The following SYNE1 variants were observed in gnomAD, a reference collection of about 807,000 sequenced individuals.
The protein encoded by SYNE1 is spectrin repeat containing nuclear envelope protein 1.
In SYNE1, 616 loss-of-function variants were observed where a neutral mutation model predicts 1,111.0. That is an observed-to-expected ratio of 0.55 (90% CI 0.52 to 0.59). The LOEUF is 0.59. SYNE1 is among the 20% of genes least tolerant of loss of function. The pLI, the probability that SYNE1 is intolerant of heterozygous loss-of-function variation, is 0.00. For synonymous variants in SYNE1, 3,855 were observed against 3,825.8 expected (o/e 1.01, Z -0.28); for missense variants, 10,006 against 10,417.0 (o/e 0.96, Z 1.72).
chr6:152,315,094 T>C (rs1460627873), intron 87 of SYNE1: 5 of 151,466 alleles, frequency 3.3e-5, no homozygotes, highest in Admixed American at 3.3e-4. Flanking sequence ...AAGTTTTCTT[T>C]AAACTTTCAC....
intron 10 of SYNE1, among the ~76,000 whole-genome samples, chr6:152,501,278 A>T (rs1476914932): frequency 6.9e-6 from 1 of 145,834 alleles, no homozygotes; most frequent in East Asian, 1.9e-4. Context: ...TCCGTTGTTT[A>T]AAAAAACAGG....
chr6:152,621,430 TA>T (rs1365140926), intron 3 of SYNE1, among the ~76,000 whole-genome samples: 1 of 152,196 alleles, frequency 6.6e-6, no homozygotes, highest in Non-Finnish European at 1.5e-5. Flanking sequence ...TAGACACTCT[TA>T]CTTTTAGAGG....
chr6:152,125,271 TCA>T, intron 145 of SYNE1: 1 of 1,550,284 alleles, frequency 6.5e-7, no homozygotes, highest in Non-Finnish European at 8.7e-7. Context: ...CACAGGTATC[TCA>T]CATGTAGAAG....
Position 152,148,276 on chromosome 6 carries a change from G to T in SYNE1, c.24745C>A (p.Leu8249Ile), listed in dbSNP as rs765972832. Residue 8249 changes from leucine to isoleucine, a missense_variant, in exon 137 of 146, where the codon CTT becomes ATT. Leu to Ile is a conservative substitution (Grantham distance 5, BLOSUM62 2). Coordinates refer to ENST00000367255, the MANE Select transcript of SYNE1 (RefSeq NM_182961.4). This position sits in a 1 kb window ranked among gnomAD's most constrained non-coding sequence, Gnocchi z 4.1. The part of the protein sequence containing the change: ...HWHDRSADSL[L>I]SPQPSSNLSL... ...AGATTGGAGGAAGGCTGTGGAGAAA[G>T]CAGGCTGTCTGCAGAGCGGTCGTGC... 6.2e-7 allele frequency: 1 copy of T among 1,613,674 alleles called. No individual in the cohort carries two copies. The highest frequency in any genetic ancestry group is 1.1e-5 in the South Asian group (1 of 91,022).
At chr6:152,474,194 A>G (rs904154756) in intron 14 of SYNE1, among the ~76,000 whole-genome samples, 5 of 152,132 alleles carry the variant, frequency 3.3e-5, no homozygotes, top group African/African-American at 1.2e-4. Context: ...CAAAAAAAAA[A>G]AAGAACTTCA....
At chr6:152,423,672 A>T (rs2098305374) in intron 39 of SYNE1, among the ~76,000 whole-genome samples, 1 of 152,166 alleles carries the variant, frequency 6.6e-6, no homozygotes, top group Non-Finnish European at 1.5e-5. Flanking sequence ...TTCCCATTGC[A>T]CTTAAGAAGG....
intron 120 of SYNE1, among the ~76,000 whole-genome samples, 164 bp downstream of exon 120, chr6:152,218,839 C>T (rs912889315): frequency 9.2e-5 from 14 of 152,170 alleles, no homozygotes; most frequent in African/African-American, 3.1e-4. Flanking sequence ...CGCAAAACGT[C>T]CACCTTCATC....
intron 3 of SYNE1, among the ~76,000 whole-genome samples, chr6:152,617,835 T>C (rs1399755361): frequency 6.6e-6 from 1 of 152,152 alleles, no homozygotes; most frequent in African/African-American, 2.4e-5. Flanking sequence ...TCTTGAAACT[T>C]GAGAAAGGCA....
intron 95 of SYNE1, among the ~76,000 whole-genome samples, chr6:152,293,150 T>G (rs2094692356): frequency 6.6e-6 from 1 of 152,208 alleles, no homozygotes; most frequent in African/African-American, 2.4e-5. Context: ...TGAGATGTAT[T>G]TTCTGAAGTG....
chr6:152,510,344 G>T lies in SYNE1; in HGVS notation c.430C>A (p.Gln144Lys), dbSNP rs779465357. The T allele has an allele frequency of 6.2e-7, 1 of 1,613,848 alleles. No individual in the cohort carries two copies. Among genetic ancestry groups the T allele is most frequent in the South Asian group, 1.1e-5 (1 of 91,058 alleles). Residue 144 changes from glutamine (Q) to lysine (K), a missense_variant, in exon 8 of 146, where the codon CAG becomes AAG. Around this residue, in one of 7 missense-constraint regions of SYNE1, gnomAD observed 1,971 missense variants for 2,084.1 expected, o/e 0.95. Coordinates refer to ENST00000367255, the MANE Select transcript of SYNE1 (RefSeq NM_182961.4). ...GCGCTGCTGGACAAAGACTGGAGCT[G>T]GGGCAGGTTGCTGGTCAACTCTTCA... The part of the protein sequence containing the change: ...QIEELTSNLP[Q>K]LQSLSSSASS...
intron 127 of SYNE1, among the ~76,000 whole-genome samples, chr6:152,201,067 C>T (rs867756744): frequency 6.6e-6 from 1 of 152,160 alleles, no homozygotes; most frequent in Non-Finnish European, 1.5e-5. Flanking sequence ...CAATAATTTG[C>T]AAATGACTGG....
At position 152,331,921 on chromosome 6, in the gene SYNE1, A is replaced by C. The variant is rs751434861; in HGVS notation, c.12795-31T>G. On this transcript the variant is annotated intron_variant, in intron 77 of 145. Coordinates refer to ENST00000367255, the MANE Select transcript of SYNE1 (RefSeq NM_182961.4). ...AATACATGGAAAGGTATAAGAGCAA[A>C]TTAGCTGTAGTCAATATCGATGTTT... is the stretch of plus-strand genomic sequence containing the variant. 11 of 1,605,172 alleles carry C rather than the reference A, an allele frequency of 6.9e-6. 1 individual carries two copies. The East Asian group carries it at 8.9e-5, about 13-fold the overall frequency.
At chr6:152,420,342 A>G (rs2098237474) in intron 39 of SYNE1, among the ~76,000 whole-genome samples, 1 of 152,172 alleles carries the variant, frequency 6.6e-6, no homozygotes, top group South Asian at 2.1e-4. Flanking sequence ...TTCCATGGCT[A>G]GGTGCAGTGG....
Position 152,339,285 on chromosome 6 carries a change from A to AC in SYNE1, c.12306_12307insG (p.Ser4103ValfsTer17). On this transcript the variant is annotated frameshift_variant, in exon 75 of 146. Transcript: ENST00000367255. LOFTEE classifies it high-confidence loss of function. ...ATGTCTTTTGCTGTGGTTTTCACCG[A>AC]AGCATTTGACAGGTCACACATGGAG... The AC allele has an allele frequency of 6.2e-7, 1 of 1,614,058 alleles. No homozygotes were observed. Among genetic ancestry groups the AC allele is most frequent in the East Asian group, 2.2e-5 (1 of 44,874 alleles).
At chr6:152,604,982 AAGAAAGAAAGAAAGAAAGAAAGAAAGAG>A (rs1417377492) in intron 3 of SYNE1, among the ~76,000 whole-genome samples, 51 of 26,042 alleles carry the variant, frequency 2.0e-3, no homozygotes, top group African/African-American at 4.3e-3. Context: ...GAAAGAAAGA[AAGAAAGAAAGAAAGAAAGAAAGAAAGAG>A]AGAGAGAGAG....
chr6:152,144,786 C>T (rs1208932062), intron 137 of SYNE1: 1 of 153,012 alleles, frequency 6.5e-6, no homozygotes. Flanking sequence ...CCGCCGACAT[C>T]CCACATCACT....
rs201618150 is a variant in SYNE1, at chr6:152,420,440, C to A, written c.5268-718G>T. ...TTTGAGACCAGCCTGGCCAACACAG[C>A]AAAACTCCATTTCTACTAAAAATAC... On this transcript the variant is annotated intron_variant, in intron 39 of 145. Transcript: ENST00000367255. 4.9e-4 allele frequency among the ~76,000 whole-genome samples: 74 copies of A among 152,184 alleles called. 1 individual carries two copies. The East Asian group carries it at 0.014, about 29-fold the overall frequency.
In SYNE1 at chr6:152,337,439, G is replaced by A. The variant is rs560740656; in HGVS notation, c.12352-422C>T. On this transcript the variant is annotated intron_variant, in intron 75 of 145. Transcript: ENST00000367255. ...TGAGTAGCTGGGATTACAGGCTTGC[G>A]CCGTCACACCCAACTAATTTTGTAT... Among the ~76,000 whole-genome samples, 344 of 152,238 alleles carry A rather than the reference G, an allele frequency of 2.3e-3. 1 individual carries two copies. The highest frequency in any genetic ancestry group is 8.1e-3 in the African/African-American group (337 of 41,536).
chr6:152,526,064 A>G lies in SYNE1; in HGVS notation c.225+16T>C, dbSNP rs778152981. Reference sequence around the variant, plus strand: ...GAAACAATTTGACAAGTATGATCACACAAAAAAATTCTTACCAGTTTCTGC... The same window carrying G: ...GAAACAATTTGACAAGTATGATCACGCAAAAAAATTCTTACCAGTTTCTGC... On this transcript the variant is annotated intron_variant, in intron 5 of 145. Transcript: ENST00000367255. 10 of 1,611,596 alleles carry G rather than the reference A, an allele frequency of 6.2e-6. No individual in the cohort carries two copies. The highest frequency in any genetic ancestry group is 5.5e-5 in the South Asian group (5 of 91,008).
Sources: gnomAD v4.1 joint callset for allele counts (sites outside exome capture counted in the v4.1 genomes callset) on GRCh38, gnomAD v4.1.1 for gene constraint, gnomAD v4.1.1 regional missense constraint, Gnocchi (gnomAD v3.1) non-coding constraint, MANE v1.5 for transcripts, NCBI Gene and HGNC (gene_info 2026-07-23, HGNC 2026-07-21) for gene names.